Variants in TBL1X observed in about 807,000 individuals in gnomAD.
TBL1X encodes F-box-like/WD repeat-containing protein TBL1X.
A neutral mutation model predicts 50.7 loss-of-function variants in TBL1X; 10 were observed. The ratio of observed to expected loss-of-function variants is 0.20; its 90% CI spans 0.12 to 0.33. The LOEUF is 0.33. Among genes scored for constraint, TBL1X ranks in the 10% least tolerant of loss-of-function variants. The pLI is 1.00. For missense variants in TBL1X, 340 were observed against 504.4 expected (o/e 0.67, Z 3.12); for synonymous variants, 190 against 214.7 (o/e 0.88, Z 1.01).
chrX:9,702,969 C>T (rs1472795657), intron 12 of TBL1X, among the ~76,000 whole-genome samples: 1 of 111,637 alleles, frequency 9.0e-6, no homozygotes, highest in Admixed American at 9.5e-5. Flanking sequence ...GGACGACTAG[C>T]TCTCGAAGTC....
intron 2 of TBL1X, among the ~76,000 whole-genome samples, chrX:9,608,583 C>G (rs1220647441): frequency 2.7e-5 from 3 of 111,602 alleles, no homozygotes; most frequent in Non-Finnish European, 5.6e-5. Flanking sequence ...ATGAAACCAT[C>G]TCGGTATAGA....
intron 2 of TBL1X, among the ~76,000 whole-genome samples, chrX:9,503,017 G>A (rs1209729528): frequency 3.5e-5 from 4 of 112,762 alleles, no homozygotes; most frequent in South Asian, 3.7e-4. Context: ...TATGGAGGGC[G>A]GGGCCAAGAT....
chrX:9,687,532 G>T (rs113302353), intron 6 of TBL1X, among the ~76,000 whole-genome samples: 1 of 111,133 alleles, frequency 9.0e-6, no homozygotes, highest in East Asian at 2.8e-4. Context: ...TCTCTGTGGT[G>T]GGGCCATCCT....
intron 3 of TBL1X, among the ~76,000 whole-genome samples, chrX:9,641,976 A>C (rs191516227): frequency 1.0e-3 from 114 of 111,802 alleles, no homozygotes; most frequent in African/African-American, 3.3e-3. Context: ...TTTACTTAGG[A>C]GTGGGTCATA....
intron 2 of TBL1X, among the ~76,000 whole-genome samples, chrX:9,504,403 A>G (rs937327720): frequency 2.7e-5 from 3 of 112,204 alleles, no homozygotes; most frequent in African/African-American, 9.7e-5. Context: ...CCTCCAAATG[A>G]TTACAACATC....
intron 5 of TBL1X, among the ~76,000 whole-genome samples, chrX:9,679,460 C>T (rs756468230): frequency 9.0e-6 from 1 of 111,534 alleles, no homozygotes; most frequent in African/African-American, 3.3e-5. Context: ...GCAAGCCTAG[C>T]GTCTTCAGGA....
rs2083286236 is a variant in TBL1X at position 9,717,504 on chromosome X, G to A, written c.*1258G>A. ...AGGGAGGTCCCCGCCATGCCGGCTG[G>A]AAGAAGAACCTCGCATCTTTTGGTG... On this transcript the variant is annotated 3_prime_UTR_variant, in exon 18 of 18. Coordinates refer to ENST00000645353, the MANE Select transcript of TBL1X (RefSeq NM_005647.4). 8.9e-6 allele frequency: 1 copy of A among 112,460 alleles called. No homozygotes were observed. The allele number at this position is 112,460 out of a possible 1,213,427, so 9.3% of individuals were successfully genotyped here. A position where few individuals can be genotyped will look rare whatever the true frequency, so the allele number is the denominator to read the frequency against.
chrX:9,618,446 C>T (rs1213532500), intron 2 of TBL1X, among the ~76,000 whole-genome samples: 13 of 112,015 alleles, frequency 1.2e-4, no homozygotes, highest in African/African-American at 2.9e-4. Flanking sequence ...GAGGCCGAGA[C>T]GGGTGGATCA....
chrX:9,677,858 G>A (rs2083003766), intron 5 of TBL1X, among the ~76,000 whole-genome samples: 1 of 112,010 alleles, frequency 8.9e-6, no homozygotes, highest in Non-Finnish European at 1.9e-5. Context: ...AATTGAAAGG[G>A]ACCTTGTAGA....
intron 2 of TBL1X, among the ~76,000 whole-genome samples, chrX:9,556,339 C>A (rs2082299452): frequency 9.0e-6 from 1 of 110,840 alleles, no homozygotes; most frequent in Non-Finnish European, 1.9e-5. Context: ...AACCTAGATG[C>A]TTAAAACTAC....
chrX:9,558,377 C>T (rs1265196791), intron 2 of TBL1X, among the ~76,000 whole-genome samples: 5 of 110,353 alleles, frequency 4.5e-5, no homozygotes, highest in African/African-American at 1.6e-4. Flanking sequence ...ATTAGCCGGG[C>T]GTAGTGGTGC....
intron 2 of TBL1X, among the ~76,000 whole-genome samples, chrX:9,593,855 C>G (rs191346075): frequency 4.5e-5 from 5 of 111,541 alleles, no homozygotes; most frequent in Non-Finnish European, 9.4e-5. Flanking sequence ...TCTCCCTCGT[C>G]GGGCCCACCT....
chrX:9,508,081 A>G (rs948079709), intron 2 of TBL1X, among the ~76,000 whole-genome samples: 19 of 112,429 alleles, frequency 1.7e-4, no homozygotes, highest in African/African-American at 5.5e-4. Flanking sequence ...ACAAAAGCCA[A>G]AATTGACAAA....
intron 2 of TBL1X, among the ~76,000 whole-genome samples, chrX:9,531,277 G>C (rs2082158736): frequency 9.2e-6 from 1 of 108,739 alleles, no homozygotes; most frequent in Non-Finnish European, 1.9e-5. Flanking sequence ...ATTCATGACA[G>C]GATGAACTTT....
chrX:9,693,547 G>C, intron 11 of TBL1X, 128 bp downstream of exon 11: 1 of 648,078 alleles, frequency 1.5e-6, no homozygotes, highest in African/African-American at 2.2e-5. Context: ...AAAATGATTT[G>C]TTTAGGCTTT....
At chrX:9,510,570 C>T (rs1297816451) in intron 2 of TBL1X, among the ~76,000 whole-genome samples, 2 of 112,706 alleles carry the variant, frequency 1.8e-5, no homozygotes, top group East Asian at 2.8e-4. Flanking sequence ...CATGGGTTGT[C>T]TCTGGCTGCT....
intron 2 of TBL1X, among the ~76,000 whole-genome samples, chrX:9,560,140 C>T (rs978116695): frequency 8.9e-6 from 1 of 112,077 alleles, no homozygotes; most frequent in Non-Finnish European, 1.9e-5. Context: ...AGTTATGTCA[C>T]CTGTGGAGTT....
chrX:9,507,489 T>G (rs751443654), intron 2 of TBL1X, among the ~76,000 whole-genome samples: 7 of 112,095 alleles, frequency 6.2e-5, no homozygotes, highest in Non-Finnish European at 1.1e-4. Context: ...ATAGGAAGAA[T>G]CAGTATCATG....
intron 2 of TBL1X, among the ~76,000 whole-genome samples, chrX:9,516,462 TAAAG>T (rs755859667): frequency 8.9e-6 from 1 of 111,837 alleles, no homozygotes; most frequent in South Asian, 3.7e-4. Context: ...CAGACGGAGA[TAAAG>T]AGAGAGCCAC....
Sources: allele counts gnomAD v4.1 joint callset (sites outside exome capture counted in the v4.1 genomes callset), GRCh38; gene constraint gnomAD v4.1.1; transcripts MANE v1.5; gene names NCBI Gene and HGNC (gene_info 2026-07-23, HGNC 2026-07-21).